The following MTHFD2L variants were observed in gnomAD, a reference collection of about 807,000 sequenced individuals.
MTHFD2L encodes methylenetetrahydrofolate dehydrogenase (NADP+ dependent) 2 like.
A neutral mutation model predicts 34.9 loss-of-function variants in MTHFD2L; 29 were observed. That is an observed-to-expected ratio of 0.83 (90% CI 0.62 to 1.13). MTHFD2L has a LOEUF of 1.13. MTHFD2L is among the 50% of genes most tolerant of loss of function. MTHFD2L has a pLI of 0.00. For synonymous variants in MTHFD2L, 167 were observed against 155.7 expected (o/e 1.07, Z -0.54); for missense variants, 481 against 446.5 (o/e 1.08, Z -0.70).
At chr4:74,206,142 A>G (rs1735257317) in intron 5 of MTHFD2L, among the ~76,000 whole-genome samples, 1 of 152,010 alleles carries the variant, frequency 6.6e-6, no homozygotes, top group Admixed American at 6.6e-5. Context: ...AGTAAAAAAA[A>G]AAAAAAGGGA....
intron 3 of MTHFD2L, among the ~76,000 whole-genome samples, chr4:74,188,365 C>A (rs1248286907): frequency 6.6e-6 from 1 of 152,184 alleles, no homozygotes; most frequent in Non-Finnish European, 1.5e-5. Context: ...TGTGTCCTCA[C>A]ATGATGAAGA....
chr4:74,158,648 G>C (rs943011828), intron 1 of MTHFD2L, among the ~76,000 whole-genome samples: 2 of 152,214 alleles, frequency 1.3e-5, no homozygotes, highest in African/African-American at 4.8e-5. Flanking sequence ...GTAAATAAAG[G>C]AGTAGGCGTT....
In MTHFD2L at chr4:74,290,245, G is replaced by A. The variant is rs772209165; in HGVS notation, c.931+8695G>A. On this transcript the variant is annotated intron_variant, in intron 7 of 7. Coordinates refer to ENST00000325278, the MANE Select transcript of MTHFD2L (RefSeq NM_001144978.3). ...TCAGGAAAGGGTTTGGAATTACATAGAAGCTCAGTATCATTATCCTAAGAA... is the reference window on the plus strand; with the variant it reads ...TCAGGAAAGGGTTTGGAATTACATAAAAGCTCAGTATCATTATCCTAAGAA... 3.0e-4 allele frequency among the ~76,000 whole-genome samples: 45 copies of A among 152,168 alleles called. 1 individual carries two copies. Among genetic ancestry groups the A allele is most frequent in the Non-Finnish European group, 2.9e-4 (20 of 68,024 alleles).
chr4:74,123,541 G>C (rs2109780457), upstream of MTHFD2L: 1 of 152,240 alleles, frequency 6.6e-6, no homozygotes, highest in South Asian at 2.1e-4. Context: ...ATCCCCATTT[G>C]CATTCATTTG....
intron 1 of MTHFD2L, among the ~76,000 whole-genome samples, chr4:74,172,497 G>A (rs1214761191): frequency 1.3e-5 from 2 of 152,144 alleles, no homozygotes; most frequent in Admixed American, 6.5e-5. Flanking sequence ...AGAATGTCTA[G>A]TTGTGATTGT....
chr4:74,297,967 C>G (rs1160182667), intron 7 of MTHFD2L, among the ~76,000 whole-genome samples: 1 of 152,028 alleles, frequency 6.6e-6, no homozygotes, highest in Admixed American at 6.6e-5. Context: ...TATCCTGATC[C>G]TTACGTAAAT....
intron 3 of MTHFD2L, among the ~76,000 whole-genome samples, chr4:74,193,183 C>G (rs1299436603): frequency 6.6e-6 from 1 of 152,112 alleles, no homozygotes; most frequent in Non-Finnish European, 1.5e-5. Flanking sequence ...ATATAGCTGC[C>G]TAGCTGTTCA....
At chr4:74,182,813 G>A (rs1322772444) in intron 3 of MTHFD2L, 8 of 152,154 alleles carry the variant, frequency 5.3e-5, no homozygotes, top group Non-Finnish European at 1.0e-4. Flanking sequence ...GTTAAAAGCT[G>A]TTGTGCCCTC....
chr4:74,261,089 C>T (rs961639430), intron 6 of MTHFD2L, among the ~76,000 whole-genome samples: 10 of 151,806 alleles, frequency 6.6e-5, no homozygotes, highest in Middle Eastern at 3.4e-3. Flanking sequence ...ACAAAGATAA[C>T]AACTATTACT....
At chr4:74,145,729 T>A (rs923849300) in intron 1 of MTHFD2L, among the ~76,000 whole-genome samples, 1 of 152,162 alleles carries the variant, frequency 6.6e-6, no homozygotes, top group African/African-American at 2.4e-5. Flanking sequence ...GGTAACTGGA[T>A]CATGGGGGCA....
chr4:74,119,165 T>A (rs1400579252), upstream of MTHFD2L, among the ~76,000 whole-genome samples: 2 of 152,174 alleles, frequency 1.3e-5, no homozygotes, highest in African/African-American at 4.8e-5. Flanking sequence ...ACTGTACAGC[T>A]GCATCTGGTT....
chr4:74,224,147 TGTAA>T (rs1738732530), intron 5 of MTHFD2L: 1 of 152,140 alleles, frequency 6.6e-6, no homozygotes, highest in Admixed American at 6.6e-5. Flanking sequence ...AGCCCCTCTA[TGTAA>T]GTGTGTTCCC....
rs16850536 is a variant in MTHFD2L at position 74,175,012 on chromosome 4, T to C, written c.329-269T>C. 1.0e-2 allele frequency among the ~76,000 whole-genome samples: 1,518 copies of C among 152,274 alleles called. 21 individuals are homozygous for C. Among genetic ancestry groups the C allele is most frequent in the African/African-American group, 0.034 (1,399 of 41,574 alleles). Reference sequence around the variant, plus strand: ...CACTCTGTTAAACTTGGCCTAATAGTTGCATGGTAGTGATATTTTTATTCT... The same window carrying C: ...CACTCTGTTAAACTTGGCCTAATAGCTGCATGGTAGTGATATTTTTATTCT... On this transcript the variant is annotated intron_variant, in intron 2 of 7. Coordinates refer to ENST00000325278, the MANE Select transcript of MTHFD2L (RefSeq NM_001144978.3).
chr4:74,126,691 TA>T (rs1229465969), intron 1 of MTHFD2L, among the ~76,000 whole-genome samples: 13 of 152,080 alleles, frequency 8.5e-5, no homozygotes, highest in Non-Finnish European at 1.6e-4. Context: ...AAAACAAACA[TA>T]AAAAATATGG....
At chr4:74,299,230 A>G (rs1486310304) in intron 7 of MTHFD2L, among the ~76,000 whole-genome samples, 1 of 151,874 alleles carries the variant, frequency 6.6e-6, no homozygotes, top group Non-Finnish European at 1.5e-5. Context: ...TGAAGATTCA[A>G]TTTGCACTTG....
chr4:74,119,727 G>A (rs1302229385), upstream of MTHFD2L, among the ~76,000 whole-genome samples: 2 of 152,080 alleles, frequency 1.3e-5, no homozygotes, highest in East Asian at 1.9e-4. Flanking sequence ...AGCTTCCAGT[G>A]AGCCGAGATC....
chr4:74,269,675 T>C (rs1348508272), intron 6 of MTHFD2L, among the ~76,000 whole-genome samples: 3 of 152,156 alleles, frequency 2.0e-5, no homozygotes, highest in Non-Finnish European at 4.4e-5. Context: ...TTTGAACTGT[T>C]TGAAACTTCA....
At chr4:74,200,650 A>G (rs1292483434) in intron 4 of MTHFD2L, among the ~76,000 whole-genome samples, 1 of 152,202 alleles carries the variant, frequency 6.6e-6, no homozygotes, top group African/African-American at 2.4e-5. Flanking sequence ...TTTCTGAGAA[A>G]GAAAAACTTC....
intron 6 of MTHFD2L, among the ~76,000 whole-genome samples, chr4:74,247,731 A>G (rs1278681878): frequency 6.6e-6 from 1 of 152,198 alleles, no homozygotes. Flanking sequence ...TCATCTATTG[A>G]GATAATCATG....
Sources: allele counts gnomAD v4.1 joint callset (sites outside exome capture counted in the v4.1 genomes callset), GRCh38; gene constraint gnomAD v4.1.1; transcripts MANE v1.5; gene names NCBI Gene and HGNC (gene_info 2026-07-23, HGNC 2026-07-21).